TTC6: variants seen among roughly 807,000 people sequenced by gnomAD.
TTC6 encodes tetratricopeptide repeat domain 6, also known as tetratricopeptide repeat protein 6.
A neutral mutation model predicts 210.4 loss-of-function variants in TTC6; 172 were observed. The observed-to-expected ratio is 0.82, with a 90% CI of 0.72 to 0.93. The LOEUF is 0.93. Ranked by LOEUF, TTC6 falls within the 40% of genes least tolerant of loss-of-function variation. The pLI is 0.00. For missense variants in TTC6, 2,414 were observed against 2,318.1 expected (o/e 1.04, Z -0.85); for synonymous variants, 804 against 819.6 (o/e 0.98, Z 0.32).
chr14:37,738,199 A>C (rs1025230438), intron 9 of TTC6, among the ~76,000 whole-genome samples: 7 of 150,150 alleles, frequency 4.7e-5, no homozygotes, highest in African/African-American at 1.7e-4. Context: ...ATAATAAATA[A>C]TATTATTAAA....
chr14:37,658,336 G>A (rs1349192324), intron 1 of TTC6, among the ~76,000 whole-genome samples: 1 of 152,208 alleles, frequency 6.6e-6, no homozygotes, highest in Non-Finnish European at 1.5e-5. Flanking sequence ...GTGAAAGAAA[G>A]AGTCTGTTAG....
At chr14:37,827,139 G>T in intron 28 of TTC6, 57 bp from the exon 31 acceptor site, 2 of 1,380,970 alleles carry the variant, frequency 1.4e-6, no homozygotes, top group Non-Finnish European at 2.0e-6. Flanking sequence ...TGGCAGACAT[G>T]ACATCAGAGG....
chr14:37,683,518 T>G (rs1415723731), intron 3 of TTC6, among the ~76,000 whole-genome samples: 3 of 152,074 alleles, frequency 2.0e-5, no homozygotes, highest in Non-Finnish European at 2.9e-5. Context: ...TCAACTGCAG[T>G]GTGGAAATAG....
intron 1 of TTC6, among the ~76,000 whole-genome samples, chr14:37,659,624 C>T (rs971508461): frequency 3.3e-5 from 5 of 152,022 alleles, no homozygotes; most frequent in East Asian, 1.9e-4. Flanking sequence ...CAGGTTCAAG[C>T]GATTCTCCTG....
intron 1 of TTC6, among the ~76,000 whole-genome samples, chr14:37,630,907 GTTTTTTTTTTTTTTTTTTTTT>G (rs746429138): frequency 0.018 from 592 of 33,026 alleles, 1 homozygote; most frequent in African/African-American, 0.075. Flanking sequence ...GGCAACCCCT[GTTTTTTTTTTTTTTTTTTTTT>G]TTTTTTTTTT....
At chr14:37,840,868 G>A (rs2096208400) in intron 29 of TTC6, among the ~76,000 whole-genome samples, 1 of 82,692 alleles carries the variant, frequency 1.2e-5, no homozygotes. Flanking sequence ...GCAGTGGGAG[G>A]ATTTTTTTTT....
At chr14:37,719,356 A>G (rs955596119) in intron 6 of TTC6, among the ~76,000 whole-genome samples, 10 of 152,112 alleles carry the variant, frequency 6.6e-5, no homozygotes, top group African/African-American at 2.4e-4. Flanking sequence ...AAACAAGAGT[A>G]TTCTAAAGTT....
intron 22 of TTC6, 89 bp from the exon 25 acceptor site, chr14:37,807,231 T>C: frequency 7.3e-6 from 9 of 1,228,718 alleles, no homozygotes; most frequent in Non-Finnish European, 9.6e-6. Flanking sequence ...TTGGGAGGCA[T>C]AGATTTGTTC....
Position 37,812,489 on chromosome 14 carries a change from A to G in TTC6, c.4689+56A>G, listed in dbSNP as rs201407782. ...TTTTGCACATTGACTTCTGAGAACTAGTGAACAAGATTTTATTATTATCAA... is the reference window on the plus strand; with the variant it reads ...TTTTGCACATTGACTTCTGAGAACTGGTGAACAAGATTTTATTATTATCAA... On this transcript the variant is annotated intron_variant, in intron 25 of 30. Transcript: ENST00000553443. The G allele has an allele frequency of 1.6e-3, 2,361 of 1,473,596 alleles. 2 individuals are homozygous for G. The highest frequency in any genetic ancestry group is 2.0e-3 in the Non-Finnish European group (2,216 of 1,106,910). The allele number at this position is 1,473,596 out of a possible 1,614,324, so 91.3% of individuals were successfully genotyped here.
intron 14 of TTC6, among the ~76,000 whole-genome samples, chr14:37,753,541 C>G (rs61627610): frequency 3.3e-5 from 5 of 152,052 alleles, no homozygotes; most frequent in African/African-American, 1.2e-4. Flanking sequence ...GCACAGAAAA[C>G]TATTCATACA....
intron 1 of TTC6, among the ~76,000 whole-genome samples, chr14:37,643,330 A>C (rs537178369): frequency 9.2e-5 from 14 of 152,254 alleles, no homozygotes; most frequent in Admixed American, 9.2e-4. Flanking sequence ...AAAACACCCC[A>C]AAACCAAAAT....
chr14:37,663,786 A>T (rs1315189319), intron 1 of TTC6, among the ~76,000 whole-genome samples: 1 of 152,146 alleles, frequency 6.6e-6, no homozygotes, highest in Non-Finnish European at 1.5e-5. Context: ...TCTTACATTG[A>T]TAAGCAACTT....
chr14:37,739,482 G>C (rs2415410), intron 10 of TTC6, among the ~76,000 whole-genome samples: 95,106 of 150,332 alleles, frequency 0.63, 31,153 homozygotes, highest in East Asian at 0.9. Flanking sequence ...AGGCTGAGAA[G>C]AGGTTGAACC....
At chr14:37,656,530 T>C (rs1479831899) in intron 1 of TTC6, among the ~76,000 whole-genome samples, 1 of 151,476 alleles carries the variant, frequency 6.6e-6, no homozygotes, top group Non-Finnish European at 1.5e-5. Flanking sequence ...TGTGTGTGTG[T>C]GTGTGTGTGT....
chr14:37,757,341 AGCTCCGCCTC>A, intron 14 of TTC6, among the ~76,000 whole-genome samples: 1 of 152,170 alleles, frequency 6.6e-6, no homozygotes. Flanking sequence ...GTTCACTGCA[AGCTCCGCCTC>A]CCAGGTTCAT....
chr14:37,595,692 C>G (rs764410298), upstream of TTC6, among the ~76,000 whole-genome samples: 1 of 152,128 alleles, frequency 6.6e-6, no homozygotes, highest in Non-Finnish European at 1.5e-5. Flanking sequence ...TAACTGACCC[C>G]GGGGTCCCTC....
chr14:37,823,988 C>A (rs2096164456), intron 27 of TTC6, 31 bp downstream of exon 29: 1 of 1,592,376 alleles, frequency 6.3e-7, no homozygotes, highest in Non-Finnish European at 8.6e-7. Flanking sequence ...GCATTAAAAG[C>A]ATGTTTTGGG....
chr14:37,680,877 G>C (rs978889700), intron 2 of TTC6, among the ~76,000 whole-genome samples: 7 of 152,042 alleles, frequency 4.6e-5, no homozygotes, highest in Admixed American at 1.3e-4. Flanking sequence ...AGCTCCTGTG[G>C]TTCCTGGAAA....
intron 15 of TTC6, among the ~76,000 whole-genome samples, chr14:37,789,429 T>G (rs1175057320): frequency 2.0e-5 from 3 of 151,852 alleles, no homozygotes. Flanking sequence ...AGCAGTTAGA[T>G]TTTCTTCAAG....
Sources: gnomAD v4.1 joint callset for allele counts (sites outside exome capture counted in the v4.1 genomes callset) on GRCh38, gnomAD v4.1.1 for gene constraint, MANE v1.5 for transcripts, NCBI Gene and HGNC (gene_info 2026-07-23, HGNC 2026-07-21) for gene names.